The following ARHGAP26 variants were observed in gnomAD, a reference collection of about 807,000 sequenced individuals.
ARHGAP26 encodes Rho GTPase activating protein 26, also known as rho GTPase-activating protein 26.
A neutral mutation model predicts 104.8 loss-of-function variants in ARHGAP26; 38 were observed. The ratio of observed to expected loss-of-function variants is 0.36; its 90% CI spans 0.28 to 0.48. The LOEUF is 0.48. Ranked by LOEUF, ARHGAP26 falls within the 20% of genes least tolerant of loss-of-function variation. The pLI is 0.99. For synonymous variants in ARHGAP26, 341 were observed against 340.0 expected (o/e 1.00, Z -0.03); for missense variants, 704 against 947.9 (o/e 0.74, Z 3.38).
At chr5:143,154,110 G>C (rs1800175396) in intron 20 of ARHGAP26, among the ~76,000 whole-genome samples, 1 of 150,188 alleles carries the variant, frequency 6.7e-6, no homozygotes, top group Non-Finnish European at 1.5e-5. Context: ...AACTCCTACT[G>C]TGGGCCTGGT....
chr5:142,815,116 TCAGCCTCCCAAGTAGCTGGGATTA>T (rs1296774279), intron 1 of ARHGAP26, among the ~76,000 whole-genome samples: 1 of 152,240 alleles, frequency 6.6e-6, no homozygotes, highest in Non-Finnish European at 1.5e-5. Context: ...TTCCCCTGCC[TCAGCCTCCCAAGTAGCTGGGATTA>T]CAGACCAGCG....
At chr5:142,948,667 A>G (rs1221106822) in intron 11 of ARHGAP26, among the ~76,000 whole-genome samples, 1 of 151,140 alleles carries the variant, frequency 6.6e-6, no homozygotes, top group African/African-American at 2.4e-5. Context: ...TTTTTTTAAG[A>G]ACATTAAAAA....
intron 5 of ARHGAP26, 82 bp from the exon 6 acceptor site, chr5:142,894,155 GA>G: frequency 9.3e-7 from 1 of 1,078,038 alleles, no homozygotes; most frequent in South Asian, 1.4e-5. Context: ...TATCTCCCGA[GA>G]TTTTTTTTTT....
intron 11 of ARHGAP26, among the ~76,000 whole-genome samples, chr5:142,989,741 C>G (rs1264217046): frequency 6.6e-6 from 1 of 152,148 alleles, no homozygotes; most frequent in African/African-American, 2.4e-5. Flanking sequence ...ATATGAAATT[C>G]TGGGTTGAAA....
chr5:143,019,032 G>A (rs190190000), intron 12 of ARHGAP26, among the ~76,000 whole-genome samples: 76 of 152,188 alleles, frequency 5.0e-4, no homozygotes, highest in Admixed American at 9.2e-4. Flanking sequence ...CCTAGAGATC[G>A]TGTGTGCTCC....
At chr5:142,882,084 T>A (rs1454313465) in intron 4 of ARHGAP26, among the ~76,000 whole-genome samples, 1 of 152,232 alleles carries the variant, frequency 6.6e-6, no homozygotes, top group African/African-American at 2.4e-5. Context: ...ACATTTGGAA[T>A]GCTGGACTCT....
At chr5:143,060,493 A>G (rs1162290391) in intron 17 of ARHGAP26, among the ~76,000 whole-genome samples, 1 of 152,168 alleles carries the variant, frequency 6.6e-6, no homozygotes, top group African/African-American at 2.4e-5. Flanking sequence ...CTCTAAAGCA[A>G]ATGATTACCA....
intron 18 of ARHGAP26, among the ~76,000 whole-genome samples, chr5:143,129,456 A>G (rs893737200): frequency 6.6e-6 from 1 of 152,186 alleles, no homozygotes; most frequent in Non-Finnish European, 1.5e-5. Flanking sequence ...AGTGACTAAA[A>G]TCAGATCCGC....
intron 17 of ARHGAP26, among the ~76,000 whole-genome samples, chr5:143,066,427 C>T (rs372882777): frequency 5.4e-4 from 82 of 152,228 alleles, no homozygotes; most frequent in African/African-American, 1.8e-3. Context: ...GTAATAGTGC[C>T]CACCCTTTTA....
intron 21 of ARHGAP26, among the ~76,000 whole-genome samples, chr5:143,209,663 C>A (rs1809127845): frequency 6.6e-6 from 1 of 151,996 alleles, no homozygotes; most frequent in Admixed American, 6.6e-5. Context: ...CGCCTGTAAT[C>A]CCAGCTACTC....
intron 21 of ARHGAP26, 87 bp from the exon 22 acceptor site, chr5:143,213,910 C>T (rs777727886): frequency 1.1e-6 from 1 of 871,260 alleles, no homozygotes; most frequent in Non-Finnish European, 1.8e-6. Context: ...AGGTAGCTTA[C>T]AGGGAAAGGG....
intron 6 of ARHGAP26, among the ~76,000 whole-genome samples, chr5:142,898,900 T>C (rs1759878361): frequency 6.6e-6 from 1 of 152,202 alleles, no homozygotes; most frequent in Non-Finnish European, 1.5e-5. Context: ...TTGGGTGTCT[T>C]AGAACAACAG....
intron 12 of ARHGAP26, among the ~76,000 whole-genome samples, chr5:143,024,210 G>A (rs1780723969): frequency 6.6e-6 from 1 of 152,174 alleles, no homozygotes; most frequent in African/African-American, 2.4e-5. Flanking sequence ...TATTTTGTTT[G>A]ATGAGACCCT....
At chr5:143,038,955 A>C (rs1258903950) in intron 13 of ARHGAP26, among the ~76,000 whole-genome samples, 3 of 152,054 alleles carry the variant, frequency 2.0e-5, no homozygotes, top group African/African-American at 7.2e-5. Flanking sequence ...CGGTCTCCCA[A>C]AGTGCTGGGA....
At chr5:143,220,540 G>A (rs1001816765) in intron 22 of ARHGAP26, among the ~76,000 whole-genome samples, 1 of 152,220 alleles carries the variant, frequency 6.6e-6, no homozygotes, top group African/African-American at 2.4e-5. Context: ...TGGATGGATG[G>A]GCAGAGGGCA....
At chr5:143,129,103 A>G (rs1032713631) in intron 18 of ARHGAP26, among the ~76,000 whole-genome samples, 21 of 152,242 alleles carry the variant, frequency 1.4e-4, no homozygotes, top group Admixed American at 9.8e-4. Flanking sequence ...CAGAGGGGGA[A>G]TCAGTGAAAT....
chr5:143,095,085 AT>A (rs1218623443), intron 17 of ARHGAP26, among the ~76,000 whole-genome samples: 1 of 151,818 alleles, frequency 6.6e-6, no homozygotes, highest in Non-Finnish European at 1.5e-5. Context: ...CTTTTGACTT[AT>A]GGGTTCTAAG....
intron 1 of ARHGAP26, among the ~76,000 whole-genome samples, chr5:142,775,864 C>T (rs1756212774): frequency 6.6e-6 from 1 of 152,180 alleles, no homozygotes; most frequent in Non-Finnish European, 1.5e-5. Context: ...CAACAGCTGT[C>T]ATTAGGAAAG....
At chr5:142,936,673 A>AC (rs1464904954) in intron 11 of ARHGAP26, among the ~76,000 whole-genome samples, 1 of 152,208 alleles carries the variant, frequency 6.6e-6, no homozygotes. Context: ...AGAGGGATAG[A>AC]CACGTAGATC....
Sources: allele counts gnomAD v4.1 joint callset (sites outside exome capture counted in the v4.1 genomes callset), GRCh38; gene constraint gnomAD v4.1.1; transcripts MANE v1.5; gene names NCBI Gene and HGNC (gene_info 2026-07-23, HGNC 2026-07-21).